Variants in DHX15 observed in about 807,000 individuals in gnomAD.
The protein encoded by DHX15 is DEAH-box helicase 15.
DHX15 carries 11 observed loss-of-function variants against 94.4 expected under a neutral mutation model. The observed-to-expected ratio is 0.12, with a 90% CI of 0.07 to 0.19. The LOEUF is 0.19. DHX15 is among the 10% of genes least tolerant of loss of function. The pLI is 1.00. For missense variants in DHX15, 304 were observed against 988.5 expected, an observed-to-expected ratio of 0.31 and a Z score of 9.29; for synonymous variants, 338 against 329.9, an observed-to-expected ratio of 1.02 and a Z score of -0.27.
chr4:24,530,606 A>C (rs879735292), intron 12 of DHX15: 2 of 152,050 alleles, frequency 1.3e-5, no homozygotes, highest in Non-Finnish European at 2.9e-5. Context: ...AATAGAATAA[A>C]AAATAAGGTA....
At chr4:24,554,517 T>TA (rs1239445612) in intron 5 of DHX15, among the ~76,000 whole-genome samples, 1 of 152,212 alleles carries the variant, frequency 6.6e-6, no homozygotes, top group Non-Finnish European at 1.5e-5. Context: ...TTAACACTCT[T>TA]AAAATAATTA....
intron 7 of DHX15, among the ~76,000 whole-genome samples, chr4:24,542,636 C>T (rs1355803060): frequency 6.6e-6 from 1 of 151,912 alleles, no homozygotes; most frequent in East Asian, 1.9e-4. Flanking sequence ...GGATAGAAAT[C>T]CTGTACTTTA....
intron 1 of DHX15, among the ~76,000 whole-genome samples, chr4:24,577,662 C>G (rs1430354168): frequency 6.6e-6 from 1 of 152,106 alleles, no homozygotes; most frequent in Admixed American, 6.6e-5. Context: ...CTTCCAGTTA[C>G]TAGAGATTGA....
chr4:24,572,214 C>CA (rs1389338639), intron 2 of DHX15, among the ~76,000 whole-genome samples: 3 of 152,030 alleles, frequency 2.0e-5, no homozygotes, highest in Non-Finnish European at 4.4e-5. Flanking sequence ...AATCTTGGCT[C>CA]ACTGTAACCA....
At position 24,557,294 on chromosome 4, in the gene DHX15, C is replaced by G. The variant is rs1249588324; in HGVS notation, c.702-884G>C. On this transcript the variant is annotated intron_variant, in intron 3 of 13. Coordinates refer to ENST00000336812, the MANE Select transcript of DHX15 (RefSeq NM_001358.3). ...GGCACCTGGACAAAACACAGGATGC[C>G]TTTAGATGCTTAAGTCACAGCTCAT... is the stretch of plus-strand genomic sequence containing the variant. Among the ~76,000 whole-genome samples, 4 of 152,144 alleles carry G rather than the reference C, an allele frequency of 2.6e-5. No individual in the cohort carries two copies. The East Asian group carries it at 7.7e-4, about 29-fold the overall frequency.
chr4:24,536,286 T>G (rs959532007), intron 11 of DHX15, among the ~76,000 whole-genome samples: 2 of 152,158 alleles, frequency 1.3e-5, no homozygotes, highest in Non-Finnish European at 2.9e-5. Context: ...GTAGCCAATT[T>G]TTTTTTTACC....
chr4:24,554,218 GA>G (rs933887875), intron 5 of DHX15, among the ~76,000 whole-genome samples: 1 of 146,714 alleles, frequency 6.8e-6, no homozygotes, highest in Admixed American at 6.8e-5. Flanking sequence ...ACTCCGTCTC[GA>G]AAAAAAAAAG....
chr4:24,584,054 G>C (rs1224340727), intron 1 of DHX15: 1 of 501,198 alleles, frequency 2.0e-6, no homozygotes, highest in Non-Finnish European at 3.5e-6. Flanking sequence ...GCTCGGTTCG[G>C]CCTGGGGGAG....
At chr4:24,583,862 G>A (rs1375136228) in intron 1 of DHX15, among the ~76,000 whole-genome samples, 4 of 152,110 alleles carry the variant, frequency 2.6e-5, no homozygotes, top group Non-Finnish European at 5.9e-5. Flanking sequence ...GGAGTGCCTG[G>A]CCGCGCCCCC....
At chr4:24,569,133 A>C (rs1722061829) in intron 3 of DHX15, among the ~76,000 whole-genome samples, 1 of 152,222 alleles carries the variant, frequency 6.6e-6, no homozygotes, top group Non-Finnish European at 1.5e-5. Flanking sequence ...TATTTTAAGA[A>C]ACTATCTCAG....
At chr4:24,542,675 T>C (rs944942103) in intron 7 of DHX15, among the ~76,000 whole-genome samples, 1 of 151,720 alleles carries the variant, frequency 6.6e-6, no homozygotes, top group Non-Finnish European at 1.5e-5. Flanking sequence ...TAAATGAATA[T>C]ACAAGCCAAA....
chr4:24,528,702 T>C (rs1721012976), intron 13 of DHX15, among the ~76,000 whole-genome samples: 1 of 152,114 alleles, frequency 6.6e-6, no homozygotes, highest in South Asian at 2.1e-4. Flanking sequence ...GATTCTGGCA[T>C]AAATAAAACA....
In DHX15 at chr4:24,556,313, G is replaced by A. The variant is rs548858598; in HGVS notation, c.799C>T (p.Leu267=). 1.2e-6 allele frequency: 2 copies of A among 1,613,736 alleles called. No individual in the cohort carries two copies. The highest frequency in any genetic ancestry group is 3.3e-5 in the Admixed American group (2 of 60,014). The part of the protein sequence containing the change: ...IILDEAHERT[L]ATDILMGVLK... ...ACACCCATTAGAATATCTGTAGCCA[G>A]TGTCCTCTCATGAGCCTCATCAAGA... The change falls in exon 4 of 14, where the codon CTG becomes TTG. Residue 267 remains leucine, a synonymous_variant. Coordinates refer to ENST00000336812, the MANE Select transcript of DHX15 (RefSeq NM_001358.3).
chr4:24,533,137 A>C, intron 11 of DHX15, 83 bp from the exon 12 acceptor site: 1 of 1,206,974 alleles, frequency 8.3e-7, no homozygotes, highest in South Asian at 1.2e-5. Flanking sequence ...AAATTGTTAT[A>C]AAGAATAAGC....
At chr4:24,568,787 T>C in intron 3 of DHX15, among the ~76,000 whole-genome samples, 1 of 152,232 alleles carries the variant, frequency 6.6e-6, no homozygotes, top group East Asian at 1.9e-4. Flanking sequence ...TCCTTGACAT[T>C]ACCTGCATTT....
chr4:24,550,878 C>A (rs1402220449), intron 5 of DHX15, among the ~76,000 whole-genome samples: 1 of 152,150 alleles, frequency 6.6e-6, no homozygotes, highest in African/African-American at 2.4e-5. Flanking sequence ...TTTAAAACAA[C>A]TGGCAGCAAA....
chr4:24,555,209 ATG>A (rs1721703017), intron 4 of DHX15, among the ~76,000 whole-genome samples: 1 of 152,078 alleles, frequency 6.6e-6, no homozygotes. Context: ...ATAAAATTAT[ATG>A]TAATTCAGAT....
intron 9 of DHX15, 98 bp from the exon 10 acceptor site, chr4:24,540,397 A>G: frequency 9.8e-7 from 1 of 1,021,806 alleles, no homozygotes; most frequent in Non-Finnish European, 1.4e-6. Context: ...TTCATTTTGC[A>G]GTGGACCAAA....
At chr4:24,558,664 G>A (rs1156727316) in intron 3 of DHX15, among the ~76,000 whole-genome samples, 2 of 152,028 alleles carry the variant, frequency 1.3e-5, no homozygotes, top group Admixed American at 6.6e-5. Flanking sequence ...ATTCCATGAG[G>A]TGCTGCACTT....
Sources: allele counts gnomAD v4.1 joint callset (sites outside exome capture counted in the v4.1 genomes callset), GRCh38; gene constraint gnomAD v4.1.1; transcripts MANE v1.5; gene names NCBI Gene and HGNC (gene_info 2026-07-23, HGNC 2026-07-21).